KAZN: variants seen among roughly 807,000 people sequenced by gnomAD.
KAZN encodes kazrin.
Under a neutral mutation model 87.4 loss-of-function variants are expected in KAZN, and 40 were observed. The ratio of observed to expected loss-of-function variants is 0.46; its 90% confidence interval spans 0.36 to 0.60. The LOEUF (loss-of-function observed/expected upper bound fraction) is 0.60, where lower values mean the gene tolerates loss of function less well. Among genes scored for constraint, KAZN ranks in the 20% least tolerant of loss-of-function variants. The pLI, the probability that KAZN is intolerant of heterozygous loss-of-function variation, is 0.00. For synonymous variants in KAZN, 466 were observed against 458.3 expected, an observed-to-expected ratio of 1.02 and a Z score of -0.22; for missense variants, 898 against 1,073.9, an observed-to-expected ratio of 0.84 and a Z score of 2.29.
chr1:15,010,918 A>G (rs1041868206), intron 2 of KAZN, among the ~76,000 whole-genome samples: 3 of 152,240 alleles, frequency 2.0e-5, no homozygotes, highest in Non-Finnish European at 4.4e-5. Context: ...ACCAGTCAGA[A>G]TAATGAGTTA....
Position 14,305,055 on chromosome 1 carries a change from C to T in KAZN, c.249+124463C>T, listed in dbSNP as rs529531528. Among the ~76,000 whole-genome samples the T allele has an allele frequency of 1.8e-4, 27 of 152,106 alleles. No individual in the cohort carries two copies. In the East Asian group the frequency reaches 5.0e-3, roughly 28 times the overall value. On this transcript the variant is annotated intron_variant, in intron 2 of 16. Coordinates refer to the KAZN transcript ENST00000636203. ...CTTGTCTCCTCTGCTTTTCCACATACTCACACATCCCTAAATTTTAGAAAG... is the reference window on the plus strand; with the variant it reads ...CTTGTCTCCTCTGCTTTTCCACATATTCACACATCCCTAAATTTTAGAAAG...
intron 2 of KAZN, among the ~76,000 whole-genome samples, chr1:14,326,905 TC>T (rs1656475826): frequency 6.6e-6 from 1 of 152,126 alleles, no homozygotes. Flanking sequence ...CCTGTCTCCC[TC>T]CCCCATCCTG....
rs35057453 is a variant in KAZN at position 14,956,299 on chromosome 1, G to GAA, written c.227-4368_227-4367dup. ...GGTTGGAAGAGACCCAGAAGTCACT[G>GAA]AAAAAAAAAAAAAAAAAAGACCCAG... On this transcript the variant is annotated intron_variant, in intron 1 of 14. Coordinates refer to ENST00000376030, the MANE Select transcript of KAZN (RefSeq NM_201628.3). Among the ~76,000 whole-genome samples, 514 of 99,536 alleles carry GAA rather than the reference G, an allele frequency of 5.2e-3. 15 individuals carry two copies. Among genetic ancestry groups the GAA allele is most frequent in the African/African-American group, 0.019 (421 of 22,338 alleles). 65.3% of individuals were successfully genotyped at this position (99,536 alleles called of 152,430 possible). A position where few individuals can be genotyped will look rare whatever the true frequency, so the allele number is the denominator to read the frequency against.
intron 2 of KAZN, among the ~76,000 whole-genome samples, chr1:14,533,276 G>C (rs1351670155): frequency 1.3e-5 from 2 of 152,148 alleles, no homozygotes; most frequent in African/African-American, 4.8e-5. Flanking sequence ...ATTAGACATA[G>C]AGTAGTGGGG....
At chr1:13,920,095 C>A (rs974019755) in intron 1 of KAZN, among the ~76,000 whole-genome samples, 1 of 151,870 alleles carries the variant, frequency 6.6e-6, no homozygotes, top group African/African-American at 2.4e-5. Context: ...ACTAAAAATA[C>A]AAAAATTAGT....
At chr1:14,306,125 T>C (rs1049849664) in intron 2 of KAZN, among the ~76,000 whole-genome samples, 6 of 152,220 alleles carry the variant, frequency 3.9e-5, no homozygotes, top group Admixed American at 1.3e-4. Context: ...GCAGACATCG[T>C]TAATGGAATG....
intron 1 of KAZN, among the ~76,000 whole-genome samples, chr1:14,617,106 C>A (rs1572056514): frequency 1.3e-5 from 2 of 152,338 alleles, no homozygotes; most frequent in East Asian, 3.9e-4. Context: ...GTTAAACCAG[C>A]AGCCCCACCA....
At chr1:13,923,471 G>A (rs1331811168) in intron 1 of KAZN, among the ~76,000 whole-genome samples, 1 of 151,384 alleles carries the variant, frequency 6.6e-6, no homozygotes, top group African/African-American at 2.4e-5. Flanking sequence ...TACTGGGGAG[G>A]CTGAGGCAGG....
intron 1 of KAZN, among the ~76,000 whole-genome samples, chr1:14,794,905 C>T (rs1356687430): frequency 2.0e-5 from 3 of 152,214 alleles, no homozygotes; most frequent in Non-Finnish European, 4.4e-5. Context: ...GGCAGAGGAA[C>T]ATGGAAGGAC....
chr1:14,934,363 C>T (rs983533651), intron 1 of KAZN, among the ~76,000 whole-genome samples: 9 of 151,836 alleles, frequency 5.9e-5, no homozygotes, highest in South Asian at 2.1e-4. Context: ...CCTGCCACCA[C>T]GCCCGGCTAA....
chr1:14,979,092 A>G (rs1439797090), intron 2 of KAZN, among the ~76,000 whole-genome samples: 1 of 151,814 alleles, frequency 6.6e-6, no homozygotes, highest in Non-Finnish European at 1.5e-5. Context: ...TTTAGTACAG[A>G]CAGCGTTCAC....
chr1:14,717,633 G>T (rs1642863275), intron 1 of KAZN, among the ~76,000 whole-genome samples: 1 of 152,090 alleles, frequency 6.6e-6, no homozygotes, highest in Admixed American at 6.5e-5. Context: ...AATTATATCT[G>T]CAAGGACCCT....
intron 2 of KAZN, among the ~76,000 whole-genome samples, chr1:14,982,155 G>T (rs936677019): frequency 2.6e-5 from 4 of 152,172 alleles, no homozygotes; most frequent in African/African-American, 9.7e-5. Flanking sequence ...GAGGCTCAGG[G>T]CTGGAAGGAA....
intron 2 of KAZN, among the ~76,000 whole-genome samples, chr1:14,320,445 T>G (rs886885012): frequency 3.3e-5 from 5 of 152,190 alleles, no homozygotes; most frequent in African/African-American, 1.2e-4. Context: ...TTTTCTCATG[T>G]TAGGCTTATC....
intron 1 of KAZN, among the ~76,000 whole-genome samples, chr1:14,033,753 C>A (rs551625852): frequency 6.6e-6 from 1 of 152,202 alleles, no homozygotes; most frequent in Non-Finnish European, 1.5e-5. Flanking sequence ...GCAGCCACTA[C>A]AAAACTTCTA....
chr1:15,024,555 G>A (rs2102183794), intron 2 of KAZN, among the ~76,000 whole-genome samples: 1 of 152,254 alleles, frequency 6.6e-6, no homozygotes, highest in East Asian at 1.9e-4. Context: ...CATGCCAAGT[G>A]CAAAGAACTC....
intron 1 of KAZN, among the ~76,000 whole-genome samples, chr1:13,951,072 G>A (rs1641327695): frequency 6.6e-6 from 1 of 152,158 alleles, no homozygotes; most frequent in Admixed American, 6.5e-5. Flanking sequence ...ACCCAGCCCT[G>A]TATTAAGGAT....
chr1:15,095,570 G>A (rs1640771378), intron 10 of KAZN, among the ~76,000 whole-genome samples: 1 of 152,032 alleles, frequency 6.6e-6, no homozygotes, highest in African/African-American at 2.4e-5. Flanking sequence ...GTTGAGCAGG[G>A]GCAGCTACAG....
chr1:14,606,614 T>C (rs1248822069), intron 1 of KAZN, among the ~76,000 whole-genome samples: 1 of 152,112 alleles, frequency 6.6e-6, no homozygotes, highest in Non-Finnish European at 1.5e-5. Flanking sequence ...GTCTTTTCTT[T>C]TGCCTGAGTT....
Sources: gnomAD v4.1 joint callset for allele counts (sites outside exome capture counted in the v4.1 genomes callset) on GRCh38, gnomAD v4.1.1 for gene constraint, MANE v1.5 for transcripts, NCBI Gene and HGNC (gene_info 2026-07-23, HGNC 2026-07-21) for gene names.